Variants in PDZD2 observed in about 807,000 individuals in gnomAD.
PDZD2 encodes PDZ domain containing 2, also known as PDZ domain-containing protein 2.
A neutral mutation model predicts 220.7 loss-of-function variants in PDZD2; 90 were observed. The ratio of observed to expected loss-of-function variants is 0.41; its 90% CI spans 0.34 to 0.49. The LOEUF is 0.49. PDZD2 is among the 20% of genes least tolerant of loss of function. The pLI, the probability that PDZD2 is intolerant of heterozygous loss-of-function variation, is 0.28. For missense variants in PDZD2, 3,174 were observed against 3,608.5 expected (o/e 0.88, Z 3.08); for synonymous variants, 1,375 against 1,450.5 (o/e 0.95, Z 1.18).
intron 1 of PDZD2, among the ~76,000 whole-genome samples, chr5:31,690,038 G>A (rs191354642): frequency 3.3e-5 from 5 of 152,144 alleles, no homozygotes; most frequent in Non-Finnish European, 7.4e-5. Context: ...CTCATTCCCT[G>A]ACTTTTACAA....
chr5:32,015,287 C>T (rs1753704097), intron 6 of PDZD2, among the ~76,000 whole-genome samples: 1 of 151,818 alleles, frequency 6.6e-6, no homozygotes, highest in African/African-American at 2.4e-5. Flanking sequence ...TCTGGCGGTA[C>T]CCAGGCTGAA....
intron 5 of PDZD2, among the ~76,000 whole-genome samples, chr5:32,007,068 A>C (rs1752884717): frequency 6.6e-6 from 1 of 151,810 alleles, no homozygotes; most frequent in African/African-American, 2.4e-5. Context: ...GGCGCCCGCC[A>C]CCACGCCCGG....
chr5:31,919,124 G>A (rs1266958695), intron 2 of PDZD2, among the ~76,000 whole-genome samples: 2 of 152,220 alleles, frequency 1.3e-5, no homozygotes, highest in African/African-American at 2.4e-5. Context: ...GGAGGAGTGA[G>A]TAGGTTTTAC....
chr5:31,866,074 T>A (rs115616781), intron 2 of PDZD2, among the ~76,000 whole-genome samples: 5,385 of 152,006 alleles, frequency 0.035, 95 homozygotes, highest in African/African-American at 0.052. Context: ...CAATGAGAGC[T>A]CACTGCAACC....
chr5:32,019,879 T>C (rs961057530), intron 6 of PDZD2, among the ~76,000 whole-genome samples: 2 of 152,132 alleles, frequency 1.3e-5, no homozygotes, highest in Non-Finnish European at 2.9e-5. Flanking sequence ...AGTTTCTTCC[T>C]GTCTTTGCGC....
At position 32,091,268 on chromosome 5, in the gene PDZD2, G is replaced by A. The variant is rs1241417566; in HGVS notation, c.7727+93G>A. 6.8e-6 allele frequency: 4 copies of A among 588,652 alleles called. No individual in the cohort carries two copies. The East Asian group carries it at 1.4e-4, about 20-fold the overall frequency. 36.5% of individuals were successfully genotyped at this position (588,652 alleles called of 1,614,324 possible). A position where few individuals can be genotyped will look rare whatever the true frequency, so the allele number is the denominator to read the frequency against. On this transcript the variant is annotated intron_variant, in intron 20 of 24. Coordinates refer to ENST00000438447, the MANE Select transcript of PDZD2 (RefSeq NM_178140.4). ...AGAAAAGTTGCAAAGATAATGCAGA[G>A]TTCCCACTTACTTTTTTTTTTTTTT...
At chr5:31,780,666 A>T (rs1396082340) in intron 1 of PDZD2, among the ~76,000 whole-genome samples, 1 of 152,182 alleles carries the variant, frequency 6.6e-6, no homozygotes, top group Admixed American at 6.5e-5. Flanking sequence ...CTCCAAGCAC[A>T]GAAGCACACA....
chr5:31,889,238 C>T lies in PDZD2; in HGVS notation c.476+89514C>T, dbSNP rs1740793538. 2.0e-5 allele frequency among the ~76,000 whole-genome samples: 3 copies of T among 152,294 alleles called. No individual in the cohort carries two copies. The South Asian group carries it at 6.2e-4, about 32-fold the overall frequency. On this transcript the variant is annotated intron_variant, in intron 2 of 24. Coordinates refer to ENST00000438447, the MANE Select transcript of PDZD2 (RefSeq NM_178140.4). ...ATTTACATTGGAGCCGTGGTTTTAG[C>T]TCTCTTTTGGCAATTGATTAATTTA...
At chr5:31,887,250 AACACACAT>A (rs896247585) in intron 2 of PDZD2, among the ~76,000 whole-genome samples, 2 of 152,174 alleles carry the variant, frequency 1.3e-5, no homozygotes, top group African/African-American at 4.8e-5. Context: ...CGCACACACA[AACACACAT>A]ACACACACAA....
intron 2 of PDZD2, among the ~76,000 whole-genome samples, chr5:31,846,258 C>G (rs185383626): frequency 1.3e-5 from 2 of 152,278 alleles, no homozygotes; most frequent in East Asian, 1.9e-4. Flanking sequence ...CTCAGCCTCC[C>G]GAGTAGCTGG....
At chr5:31,926,923 A>G (rs1744835428) in intron 2 of PDZD2, among the ~76,000 whole-genome samples, 1 of 152,240 alleles carries the variant, frequency 6.6e-6, no homozygotes, top group South Asian at 2.1e-4. Context: ...TTGCAGCAAC[A>G]TGGACGCGGC....
Position 32,073,874 on chromosome 5 carries a change from C to T in PDZD2, c.2768C>T (p.Thr923Ile). 1.2e-6 allele frequency: 2 copies of T among 1,614,028 alleles called. No individual in the cohort carries two copies. Among genetic ancestry groups the T allele is most frequent in the South Asian group, 1.1e-5 (1 of 91,062 alleles). ...AAACCCAGAGCCAACAGCCTCGTGA[C>T]TCTTGGGAGCCATCGGGCTTCTGGG... ...PGKPRANSLV[T>I]LGSHRASGLF... Residue 923 changes from threonine (T) to isoleucine (I), a missense_variant, in exon 18 of 25, where the codon ACT becomes ATT. Around this residue, in one of 4 missense-constraint regions of PDZD2, gnomAD observed 1,861 missense variants for 2,001.0 expected, o/e 0.93. Transcript: ENST00000438447.
intron 1 of PDZD2, among the ~76,000 whole-genome samples, chr5:31,721,190 G>A (rs1435685500): frequency 6.6e-6 from 1 of 152,194 alleles, no homozygotes; most frequent in African/African-American, 2.4e-5. Flanking sequence ...CAAGAGAGGA[G>A]CAGCTTAGAG....
At chr5:31,760,878 C>T (rs779320492) in intron 1 of PDZD2, among the ~76,000 whole-genome samples, 55 of 152,072 alleles carry the variant, frequency 3.6e-4, no homozygotes, top group Non-Finnish European at 6.6e-4. Flanking sequence ...CCCGAGATCA[C>T]GCCACTGCAC....
chr5:31,856,932 AT>A (rs199921279), intron 2 of PDZD2, among the ~76,000 whole-genome samples: 19,227 of 125,596 alleles, frequency 0.15, 1,519 homozygotes, highest in Middle Eastern at 0.21. Flanking sequence ...ATATATATAT[AT>A]ATAACTTTAA....
chr5:31,777,449 C>T (rs558153659), intron 1 of PDZD2, among the ~76,000 whole-genome samples: 46 of 152,356 alleles, frequency 3.0e-4, no homozygotes, highest in Admixed American at 8.5e-4. Context: ...GGGCGCCGCC[C>T]CCTGCTCCGT....
At chr5:31,791,641 A>T (rs1753739213) in intron 1 of PDZD2, among the ~76,000 whole-genome samples, 1 of 147,330 alleles carries the variant, frequency 6.8e-6, no homozygotes, top group South Asian at 2.3e-4. Context: ...GCACCTACCA[A>T]TATTCTAAAT....
chr5:31,748,194 A>G (rs1323584975), intron 1 of PDZD2: 1 of 152,200 alleles, frequency 6.6e-6, no homozygotes, highest in Non-Finnish European at 1.5e-5. Flanking sequence ...GAGCAACAAG[A>G]TATTTGATCA....
At chr5:31,905,241 C>A (rs1414815974) in intron 2 of PDZD2, among the ~76,000 whole-genome samples, 1 of 152,168 alleles carries the variant, frequency 6.6e-6, no homozygotes, top group South Asian at 2.1e-4. Context: ...TCCTCAGCCT[C>A]CCAAAGTGCT....
Sources: allele counts gnomAD v4.1 joint callset (sites outside exome capture counted in the v4.1 genomes callset), GRCh38; gene constraint gnomAD v4.1.1; regional missense constraint gnomAD v4.1.1; transcripts MANE v1.5; gene names NCBI Gene and HGNC (gene_info 2026-07-23, HGNC 2026-07-21).